Variants in CEACAM16 observed in about 807,000 individuals in gnomAD.
CEACAM16 encodes the protein CEA cell adhesion molecule 16, tectorial membrane component, also known as cell adhesion molecule CEACAM16.
A neutral mutation model predicts 39.4 loss-of-function variants in CEACAM16; 30 were observed. The observed-to-expected ratio is 0.76, with a 90% CI of 0.57 to 1.03. The LOEUF (loss-of-function observed/expected upper bound fraction) is 1.03, where lower values mean the gene tolerates loss of function less well. Ranked by LOEUF, CEACAM16 falls within the 50% of genes least tolerant of loss-of-function variation. The probability of loss-of-function intolerance (pLI) is 0.00; values close to 1 mark genes in which losing one functional copy is unlikely to be tolerated. For synonymous variants in CEACAM16, 262 were observed against 264.9 expected (o/e 0.99, Z 0.11); for missense variants, 521 against 585.3 (o/e 0.89, Z 1.13).
chr19:44,705,604 G>A lies in CEACAM16; in HGVS notation c.676G>A (p.Val226Met). 1 of 1,603,856 alleles carries A rather than the reference G, an allele frequency of 6.2e-7. No homozygotes were observed. Among genetic ancestry groups the A allele is most frequent in the Non-Finnish European group, 8.5e-7 (1 of 1,171,976 alleles). ...NLTVYFGPER[V>M]AILQDSTTRT... Reference sequence around the variant, plus strand: ...TGCCCCCACAGTTGGCCCAGAGCGTGTGGCCATCCTCCAGGATTCCACCAC... The same window carrying A: ...TGCCCCCACAGTTGGCCCAGAGCGTATGGCCATCCTCCAGGATTCCACCAC... Residue 226 changes from valine (V) to methionine (M), a missense_variant, in exon 5 of 7, where the codon GTG becomes ATG. Physicochemically the swap from Val to Met is conservative, Grantham distance 21 (BLOSUM62 1). Coordinates refer to ENST00000587331, the MANE Select transcript of CEACAM16 (RefSeq NM_001039213.4).
chr19:44,703,296 G>A, intron 2 of CEACAM16, 53 bp from the exon 3 acceptor site: 1 of 1,499,780 alleles, frequency 6.7e-7, no homozygotes, highest in Admixed American at 1.9e-5. Context: ...TCTGTCAAAT[G>A]GGGCGATTGA....
chr19:44,708,409 G>T (rs759951345), intron 6 of CEACAM16, among the ~76,000 whole-genome samples: 1 of 152,208 alleles, frequency 6.6e-6, no homozygotes, highest in Non-Finnish European at 1.5e-5. Flanking sequence ...TGGGTAGACA[G>T]GCCTCCTCCA....
Position 44,705,585 on chromosome 19 carries a change from C to T in CEACAM16, c.662-5C>T, listed in dbSNP as rs761891484. 3 of 1,589,778 alleles carry T rather than the reference C, an allele frequency of 1.9e-6. No individual in the cohort carries two copies. Among genetic ancestry groups the T allele is most frequent in the East Asian group, 2.3e-5 (1 of 44,418 alleles). ...GCCCCATCTATCTCCCTCCTGCCCCCACAGTTGGCCCAGAGCGTGTGGCCA... is the reference window on the plus strand; with the variant it reads ...GCCCCATCTATCTCCCTCCTGCCCCTACAGTTGGCCCAGAGCGTGTGGCCA... On this transcript the variant is annotated splice_polypyrimidine_tract_variant and splice_region_variant and intron_variant, in intron 4 of 6. Coordinates refer to ENST00000587331, the MANE Select transcript of CEACAM16 (RefSeq NM_001039213.4).
rs1393152171 is a variant in CEACAM16, at chr19:44,701,772, G to T, written c.37+279G>T. Among the ~76,000 whole-genome samples, 1 of 152,200 alleles carries T rather than the reference G, an allele frequency of 6.6e-6. No individual in the cohort carries two copies. The highest frequency in any genetic ancestry group is 2.1e-4 in the South Asian group (1 of 4,832). On this transcript the variant is annotated intron_variant, in intron 2 of 6. Coordinates refer to ENST00000587331, the MANE Select transcript of CEACAM16 (RefSeq NM_001039213.4). The surrounding 1 kb of genome is among the most constrained non-coding windows in gnomAD (Gnocchi z 4.0). ...GAGCCGCTGTTGCTCCTTCATTCCT[G>T]CAGGTTTCTGTTTTATCAGCTATGG...
In CEACAM16 at chr19:44,705,645, C is replaced by A; in HGVS notation, c.717C>A (p.Thr239=). Residue 239 remains threonine, a synonymous_variant, in exon 5 of 7, where the codon ACC becomes ACA. Transcript: ENST00000587331. ...ATTCCACCACCCGCACAGGCTGCAC[C>A]ATCAAAGTTGACTTCAACACGTCCC... is the stretch of plus-strand genomic sequence containing the variant. ...LQDSTTRTGC[T]IKVDFNTSLT... The A allele has an allele frequency of 2.5e-6, 4 of 1,613,352 alleles. No individual in the cohort carries two copies. The highest frequency in any genetic ancestry group is 3.4e-6 in the Non-Finnish European group (4 of 1,179,364).
At position 44,707,843 on chromosome 19, in the gene CEACAM16, C is replaced by T. The variant is rs765999229; in HGVS notation, c.941-18C>T. The T allele has an allele frequency of 8.6e-6, 13 of 1,508,428 alleles. No homozygotes were observed. Among genetic ancestry groups the T allele is most frequent in the South Asian group, 4.0e-5 (3 of 74,764 alleles). 93.4% of individuals were successfully genotyped at this position (1,508,428 alleles called of 1,614,324 possible). ...AGATGCAGACCAAACTGACCCAGCCCGCTCGCTCTCTCCCCAGCTGCAGCA... is the reference window on the plus strand; with the variant it reads ...AGATGCAGACCAAACTGACCCAGCCTGCTCGCTCTCTCCCCAGCTGCAGCA... On this transcript the variant is annotated intron_variant, in intron 5 of 6. Coordinates refer to ENST00000587331, the MANE Select transcript of CEACAM16 (RefSeq NM_001039213.4).
rs150942000 is a variant in CEACAM16, at chr19:44,706,088, T to C, written c.940+220T>C. On this transcript the variant is annotated intron_variant, in intron 5 of 6. Coordinates refer to ENST00000587331, the MANE Select transcript of CEACAM16 (RefSeq NM_001039213.4). ...CACCTAGAGAACAAATGGCAAACCA[T>C]TGTGGGTTGACAGAGTGGAAAATCA... Among the ~76,000 whole-genome samples the C allele has an allele frequency of 5.9e-3, 904 of 152,256 alleles. 5 individuals carry two copies. The highest frequency in any genetic ancestry group is 9.4e-3 in the Non-Finnish European group (636 of 68,006).
chr19:44,699,616 A>C (rs2122183381), intron 1 of CEACAM16, among the ~76,000 whole-genome samples: 1 of 151,970 alleles, frequency 6.6e-6, no homozygotes, highest in Non-Finnish European at 1.5e-5. Context: ...ACCTCAGTTG[A>C]TCCACCCACC....
chr19:44,703,754 C>A, intron 3 of CEACAM16, 61 bp downstream of exon 3: 1 of 1,265,212 alleles, frequency 7.9e-7, no homozygotes, highest in Non-Finnish European at 1.1e-6. Context: ...CCTTCTCAAT[C>A]CTTCTTTTTT....
chr19:44,705,632 G>A lies in CEACAM16; in HGVS notation c.704G>A (p.Arg235His), dbSNP rs772631690. The change falls in exon 5 of 7, where the codon CGC (arginine) becomes CAC (histidine). Residue 235 changes from arginine (R) to histidine (H), a missense_variant. Arg to His is a conservative substitution (Grantham distance 29). Transcript: ENST00000587331. ...RVAILQDSTTRTGCTIKVDFN... is the reference protein window; with the variant it reads ...RVAILQDSTTHTGCTIKVDFN... ...GCCATCCTCCAGGATTCCACCACCC[G>A]CACAGGCTGCACCATCAAAGTTGAC... is the stretch of plus-strand genomic sequence containing the variant. The A allele has an allele frequency of 1.3e-5, 21 of 1,610,424 alleles. No homozygotes were observed. Among genetic ancestry groups the A allele is most frequent in the South Asian group, 3.3e-5 (3 of 90,952 alleles).
intron 3 of CEACAM16, 22 bp downstream of exon 3, chr19:44,703,715 G>A (rs370486113): frequency 4.8e-6 from 7 of 1,450,524 alleles, no homozygotes; most frequent in East Asian, 5.0e-5. Context: ...CCCAACACCC[G>A]CCTCTGCCCC....
chr19:44,709,410 C>A (rs867906144), intron 6 of CEACAM16, among the ~76,000 whole-genome samples: 8 of 80,308 alleles, frequency 1.0e-4, no homozygotes, highest in African/African-American at 3.7e-4. Flanking sequence ...TCCATCAGAC[C>A]GGGAGCTCCC....
In CEACAM16 at chr19:44,701,013, G is replaced by A. The variant is rs1482550569; in HGVS notation, c.-96-348G>A. Among the ~76,000 whole-genome samples, 2 of 152,234 alleles carry A rather than the reference G, an allele frequency of 1.3e-5. No homozygotes were observed. Among genetic ancestry groups the A allele is most frequent in the Non-Finnish European group, 2.9e-5 (2 of 68,042 alleles). ...AACACCTGTAGGTCCCCTGCACTGGGTGGGGCTGGGAAAGGTGCAGTCACC... is the reference window on the plus strand; with the variant it reads ...AACACCTGTAGGTCCCCTGCACTGGATGGGGCTGGGAAAGGTGCAGTCACC... On this transcript the variant is annotated intron_variant, in intron 1 of 6. Coordinates refer to ENST00000587331, the MANE Select transcript of CEACAM16 (RefSeq NM_001039213.4). This position sits in a 1 kb window ranked among gnomAD's most constrained non-coding sequence, Gnocchi z 4.0.
intron 1 of CEACAM16, among the ~76,000 whole-genome samples, chr19:44,700,010 T>C (rs1400194706): frequency 6.6e-6 from 1 of 151,908 alleles, no homozygotes; most frequent in Non-Finnish European, 1.5e-5. Flanking sequence ...TTTTTGTTTT[T>C]GCTTTTGTTT....
chr19:44,705,677 T>C lies in CEACAM16; in HGVS notation c.749T>C (p.Leu250Pro). ...IKVDFNTSLT[L>P]WCVSRSCPEP... ...GTTGACTTCAACACGTCCCTCACCC[T>C]GTGGTGCGTGTCCAGGTCCTGCCCA... The change falls in exon 5 of 7, where the codon CTG (leucine) becomes CCG (proline). Residue 250 changes from leucine to proline, a missense_variant. Leu to Pro is a moderately conservative substitution (Grantham distance 98). Coordinates refer to ENST00000587331, the MANE Select transcript of CEACAM16 (RefSeq NM_001039213.4). 1 of 1,613,918 alleles carries C rather than the reference T, an allele frequency of 6.2e-7. No homozygotes were observed.
At chr19:44,707,190 T>C (rs60193724) in intron 5 of CEACAM16, among the ~76,000 whole-genome samples, 5,303 of 152,152 alleles carry the variant, frequency 0.035, 122 homozygotes, top group African/African-American at 0.06. Flanking sequence ...GGTATCCACC[T>C]TTGGGGTACT....
rs768549808 is a variant in CEACAM16, at chr19:44,703,554, C to T, written c.243C>T (p.His81=). The change falls in exon 3 of 7, where the codon CAC becomes CAT. Residue 81 remains histidine (H), a synonymous_variant. Transcript: ENST00000587331. ...GCGATGAGACTCCTGGCCCGGCCCACACGGGGCGGGAGGCTGTGCGCCCCG... is the reference window on the plus strand; with the variant it reads ...GCGATGAGACTCCTGGCCCGGCCCATACGGGGCGGGAGGCTGTGCGCCCCG... ...STGDETPGPA[H]TGREAVRPDG... 6.2e-7 allele frequency: 1 copy of T among 1,612,980 alleles called. No individual in the cohort carries two copies. Among genetic ancestry groups the T allele is most frequent in the South Asian group, 1.1e-5 (1 of 91,008 alleles).
At chr19:44,703,811 A>T in intron 3 of CEACAM16, 118 bp downstream of exon 3, 2 of 1,061,776 alleles carry the variant, frequency 1.9e-6, no homozygotes, top group South Asian at 1.8e-5. Context: ...ACCATCAGGG[A>T]ATAAGTTTCT....
rs1364847534 is a variant in CEACAM16 at position 44,704,063 on chromosome 19, T to G, written c.428T>G (p.Val143Gly). 1 of 1,610,296 alleles carries G rather than the reference T, an allele frequency of 6.2e-7. No individual in the cohort carries two copies. ...PTVLANSTALVERRDTLRLMC... is the reference protein window; with the variant it reads ...PTVLANSTALGERRDTLRLMC... ...GTCTTGGCCAACAGCACAGCGCTGG[T>G]GGAACGTCGAGACACCCTGCGCCTT... The change falls in exon 4 of 7, where the codon GTG becomes GGG. Residue 143 changes from valine (V) to glycine (G), a missense_variant. Val to Gly is a moderately radical substitution (Grantham distance 109). Coordinates refer to ENST00000587331, the MANE Select transcript of CEACAM16 (RefSeq NM_001039213.4).
Sources: allele counts gnomAD v4.1 joint callset (sites outside exome capture counted in the v4.1 genomes callset), GRCh38; gene constraint gnomAD v4.1.1; non-coding constraint Gnocchi (gnomAD v3.1); transcripts MANE v1.5; gene names NCBI Gene and HGNC (gene_info 2026-07-23, HGNC 2026-07-21).